Variants in LRCH1 observed in about 807,000 individuals in gnomAD.
LRCH1 encodes leucine-rich repeat and calponin homology domain-containing protein 1.
Under a neutral mutation model 94.9 loss-of-function variants are expected in LRCH1, and 23 were observed. The ratio of observed to expected loss-of-function variants is 0.24; its 90% CI spans 0.17 to 0.34. The LOEUF (loss-of-function observed/expected upper bound fraction) is 0.34. LRCH1 is among the 10% of genes least tolerant of loss of function. The probability of loss-of-function intolerance (pLI) is 1.00; values close to 1 mark genes in which losing one functional copy is unlikely to be tolerated. For synonymous variants in LRCH1, 364 were observed against 354.9 expected (o/e 1.03, Z -0.29); for missense variants, 790 against 945.9 (o/e 0.84, Z 2.16).
chr13:46,696,874 G>A (rs756592356), intron 9 of LRCH1, among the ~76,000 whole-genome samples: 3 of 152,080 alleles, frequency 2.0e-5, no homozygotes, highest in Non-Finnish European at 4.4e-5. Context: ...TTCAAGATCA[G>A]CCTGGGCAAC....
At chr13:46,576,765 T>C (rs994515567) in intron 1 of LRCH1, among the ~76,000 whole-genome samples, 4 of 152,240 alleles carry the variant, frequency 2.6e-5, no homozygotes. Flanking sequence ...GCTAGGACTA[T>C]GTTGGCATTT....
In LRCH1 at chr13:46,663,382, T is replaced by C. The variant is rs2051473724; in HGVS notation, c.453-5648T>C. 2.0e-5 allele frequency among the ~76,000 whole-genome samples: 3 copies of C among 152,254 alleles called. No individual in the cohort carries two copies. In the South Asian group the frequency reaches 6.2e-4, roughly 32 times the overall value. On this transcript the variant is annotated intron_variant, in intron 2 of 19. Coordinates refer to ENST00000389797, the MANE Select transcript of LRCH1 (RefSeq NM_001164211.2). ...ATTGTCTTAGACGTGTAATTAATGATGGTGGAATGTAGGGGAAGGGCAGGC... is the reference window on the plus strand; with the variant it reads ...ATTGTCTTAGACGTGTAATTAATGACGGTGGAATGTAGGGGAAGGGCAGGC...
chr13:46,623,701 T>TG (rs1200240018), intron 1 of LRCH1, among the ~76,000 whole-genome samples: 1 of 150,386 alleles, frequency 6.6e-6, no homozygotes, highest in African/African-American at 2.5e-5. Context: ...CTGTTTTTTT[T>TG]TTTTTTCTTT....
At position 46,736,806 on chromosome 13, in the gene LRCH1, A is replaced by G. The variant is rs942126025; in HGVS notation, c.2085+2808A>G. ...TTAAGTTCTGCATTTTATAAGCTAA[A>G]TATCTAACTGACAATGATAAATCAT... On this transcript the variant is annotated intron_variant, in intron 19 of 19. Transcript: ENST00000389797. 3.3e-5 allele frequency among the ~76,000 whole-genome samples: 5 copies of G among 152,210 alleles called. No individual in the cohort carries two copies. In the East Asian group the frequency reaches 9.6e-4, roughly 29 times the overall value.
rs1383433425 is a variant in LRCH1 at position 46,565,726 on chromosome 13, G to A, written c.307+12023G>A. ...CTCAGGAGGCTAGGGCAAGAGAATC[G>A]CTTGAACTGGGAGGCGGAGGTTGCA... On this transcript the variant is annotated intron_variant, in intron 1 of 19. Coordinates refer to ENST00000389797, the MANE Select transcript of LRCH1 (RefSeq NM_001164211.2). Among the ~76,000 whole-genome samples the A allele has an allele frequency of 3.3e-5, 5 of 151,706 alleles. No individual in the cohort carries two copies. In the South Asian group the frequency reaches 6.2e-4, roughly 19 times the overall value.
chr13:46,598,397 G>T (rs549191961), intron 1 of LRCH1, among the ~76,000 whole-genome samples: 7 of 151,834 alleles, frequency 4.6e-5, no homozygotes, highest in African/African-American at 1.7e-4. Flanking sequence ...TGCTTGTCTC[G>T]GGGGAAAAGA....
intron 3 of LRCH1, among the ~76,000 whole-genome samples, chr13:46,673,335 AT>A (rs1202873178): frequency 6.6e-6 from 1 of 152,184 alleles, no homozygotes; most frequent in Non-Finnish European, 1.5e-5. Flanking sequence ...GTTGGCAAAA[AT>A]TTAATAAGTG....
At chr13:46,652,400 T>TG (rs1185848831) in intron 2 of LRCH1, among the ~76,000 whole-genome samples, 1 of 151,544 alleles carries the variant, frequency 6.6e-6, no homozygotes, top group Non-Finnish European at 1.5e-5. Context: ...TTTTTGTTTT[T>TG]TTTTTTGTCA....
chr13:46,596,432 A>C (rs528896843), intron 1 of LRCH1, among the ~76,000 whole-genome samples: 36 of 152,376 alleles, frequency 2.4e-4, no homozygotes, highest in African/African-American at 7.9e-4. Context: ...TTGTAGTTGC[A>C]GTATGTCTGT....
At chr13:46,752,675 G>T (rs536888145) in exon 19 of LRCH1, 2 of 152,200 alleles carry the variant, frequency 1.3e-5, no homozygotes, top group South Asian at 4.1e-4. Context: ...GCACCTTCAC[G>T]GGCATTCAGA....
intron 1 of LRCH1, among the ~76,000 whole-genome samples, chr13:46,613,640 G>A (rs966694624): frequency 5.9e-5 from 9 of 152,156 alleles, no homozygotes; most frequent in African/African-American, 2.2e-4. Context: ...GAATCCAGAT[G>A]CCTGGGCTCT....
At chr13:46,660,072 C>T (rs984213369) in intron 2 of LRCH1, among the ~76,000 whole-genome samples, 5 of 113,740 alleles carry the variant, frequency 4.4e-5, no homozygotes, top group South Asian at 3.2e-4. Context: ...AGTGCAGTGG[C>T]GCGATCTCTG....
chr13:46,620,288 C>T (rs755249826), intron 1 of LRCH1, among the ~76,000 whole-genome samples: 9 of 151,558 alleles, frequency 5.9e-5, no homozygotes, highest in East Asian at 1.9e-4. Context: ...TCACTCGAGC[C>T]GAGGAGCTGG....
intron 18 of LRCH1, chr13:46,750,457 T>G: frequency 1.0e-6 from 1 of 977,006 alleles, no homozygotes; most frequent in Non-Finnish European, 1.6e-6. Context: ...CAACCTAACT[T>G]TGATGTCATC....
intron 1 of LRCH1, among the ~76,000 whole-genome samples, chr13:46,612,867 A>G (rs1017641607): frequency 3.3e-5 from 5 of 152,166 alleles, no homozygotes; most frequent in African/African-American, 9.7e-5. Flanking sequence ...ACATTGGCCA[A>G]TTAGGAACTG....
chr13:46,597,262 A>G (rs1421053344), intron 1 of LRCH1, among the ~76,000 whole-genome samples: 2 of 152,108 alleles, frequency 1.3e-5, no homozygotes, highest in Non-Finnish European at 2.9e-5. Context: ...GATGCAGACA[A>G]TTCAGTGCCA....
Position 46,674,137 on chromosome 13 carries a change from T to A in LRCH1, c.579+4981T>A, listed in dbSNP as rs540017837. ...TGAGTGAACATTCCAGAGTCAGCAA[T>A]CCCTTAAAAAAATAAATAAATAAAA... On this transcript the variant is annotated intron_variant, in intron 3 of 19. Coordinates refer to ENST00000389797, the MANE Select transcript of LRCH1 (RefSeq NM_001164211.2). Among the ~76,000 whole-genome samples, 7 of 152,152 alleles carry A rather than the reference T, an allele frequency of 4.6e-5. No individual in the cohort carries two copies. The South Asian group carries it at 1.5e-3, about 32-fold the overall frequency.
rs112289570 is a variant in LRCH1, at chr13:46,680,889, C to G, written c.580-852C>G. Among the ~76,000 whole-genome samples, 73 of 152,180 alleles carry G rather than the reference C, an allele frequency of 4.8e-4. 1 individual carries two copies. The highest frequency in any genetic ancestry group is 1.6e-3 in the African/African-American group (67 of 41,434). On this transcript the variant is annotated intron_variant, in intron 3 of 19. Coordinates refer to ENST00000389797, the MANE Select transcript of LRCH1 (RefSeq NM_001164211.2). ...GATGTATGGAAACCAGTCAGGAGAT[C>G]ATGATAGCACCCAGCTAAGAGAGAG...
intron 4 of LRCH1, 40 bp downstream of exon 4, chr13:46,681,886 TG>T: frequency 7.6e-7 from 1 of 1,313,766 alleles, no homozygotes; most frequent in Non-Finnish European, 1.1e-6. Flanking sequence ...ATGGGAGACT[TG>T]CATTATTTTA....
Sources: gnomAD v4.1 joint callset for allele counts (sites outside exome capture counted in the v4.1 genomes callset) on GRCh38, gnomAD v4.1.1 for gene constraint, MANE v1.5 for transcripts, NCBI Gene and HGNC (gene_info 2026-07-23, HGNC 2026-07-21) for gene names.